The following SETD5 variants were observed in gnomAD, a reference collection of about 807,000 sequenced individuals.
SETD5 encodes the protein SET domain containing 5, also known as histone-lysine N-methyltransferase SETD5.
A neutral mutation model predicts 153.3 loss-of-function variants in SETD5; 44 were observed. That is an observed-to-expected ratio of 0.29 (90% CI 0.23 to 0.37). The LOEUF (loss-of-function observed/expected upper bound fraction) is 0.37. Among genes scored for constraint, SETD5 ranks in the 10% least tolerant of loss-of-function variants. The probability of loss-of-function intolerance (pLI) is 1.00; values close to 1 mark genes in which losing one functional copy is unlikely to be tolerated. For synonymous variants in SETD5, 716 were observed against 645.2 expected (o/e 1.11, Z -1.66); for missense variants, 1,544 against 1,768.0 (o/e 0.87, Z 2.27).
At chr3:9,425,249 A>C (rs2039007414) in intron 2 of SETD5, among the ~76,000 whole-genome samples, 1 of 151,622 alleles carries the variant, frequency 6.6e-6, no homozygotes, top group Admixed American at 6.6e-5. Flanking sequence ...TTTTTAGTAG[A>C]GACAGGGTTT....
At chr3:9,433,762 G>T in intron 3 of SETD5, 83 bp from the exon 4 acceptor site, 1 of 1,361,136 alleles carries the variant, frequency 7.3e-7, no homozygotes, top group East Asian at 2.3e-5. Flanking sequence ...GGAAAGAGGA[G>T]GGGTTAGAAT....
Position 9,470,648 on chromosome 3 carries a change from A to G in SETD5, c.2914A>G (p.Asn972Asp). Residue 972 changes from asparagine to aspartate, a missense_variant, in exon 19 of 23, where the codon AAC becomes GAC. Physicochemically the swap from Asn to Asp is conservative, Grantham distance 23 (BLOSUM62 1). Coordinates refer to ENST00000402198, the MANE Select transcript of SETD5 (RefSeq NM_001080517.3). Reference sequence around the variant, plus strand: ...AGATGGACATCAGACCCTCGTGAGAAACTCAGACCAGGCATTTCGGACAGA... The same window carrying G: ...AGATGGACATCAGACCCTCGTGAGAGACTCAGACCAGGCATTTCGGACAGA... ...SGDGHQTLVR[N>D]SDQAFRTEFN... 1 of 1,613,972 alleles carries G rather than the reference A, an allele frequency of 6.2e-7. No homozygotes were observed. The highest frequency in any genetic ancestry group is 8.5e-7 in the Non-Finnish European group (1 of 1,179,884).
intron 3 of SETD5, chr3:9,431,333 G>A (rs2039941509): frequency 1.0e-6 from 1 of 985,276 alleles, no homozygotes; most frequent in Admixed American, 6.1e-5. Context: ...TCTGTTGTGA[G>A]CCTGGTTTCT....
chr3:9,441,462 T>C lies in SETD5; in HGVS notation c.811-131T>C. On this transcript the variant is annotated intron_variant, in intron 8 of 22. Coordinates refer to ENST00000402198, the MANE Select transcript of SETD5 (RefSeq NM_001080517.3). Reference sequence around the variant, plus strand: ...TTTCATCACATTTTAAAATTTCTCATCATTGATCTAAATAACATGTACAGA... The same window carrying C: ...TTTCATCACATTTTAAAATTTCTCACCATTGATCTAAATAACATGTACAGA... 3 of 790,952 alleles carry C rather than the reference T, an allele frequency of 3.8e-6. No homozygotes were observed. The Admixed American group carries it at 8.7e-5, about 23-fold the overall frequency. The allele number at this position is 790,952 out of a possible 1,614,324, so 49.0% of individuals were successfully genotyped here.
At chr3:9,430,236 C>T (rs780007163) in intron 3 of SETD5, 5 of 984,906 alleles carry the variant, frequency 5.1e-6, no homozygotes, top group Non-Finnish European at 6.0e-6. Context: ...TTCATAAAGC[C>T]ACCTAATATA....
chr3:9,430,397 G>A (rs2039819770), intron 3 of SETD5: 2 of 948,900 alleles, frequency 2.1e-6, no homozygotes, highest in East Asian at 1.2e-4. Context: ...GTGGGGAAGG[G>A]TTGATTTTGT....
At chr3:9,425,055 CTTTTTTTTTTTTTT>C (rs778883904) in intron 2 of SETD5, among the ~76,000 whole-genome samples, 1 of 83,682 alleles carries the variant, frequency 1.2e-5, no homozygotes, top group African/African-American at 4.9e-5. Context: ...GACAATGTTT[CTTTTTTTTTTTTTT>C]TTTTTTTTTG....
rs546233346 is a variant in SETD5, at chr3:9,476,550, A to G, written c.*459A>G. 6.4e-6 allele frequency: 1 copy of G among 156,348 alleles called. No homozygotes were observed. The highest frequency in any genetic ancestry group is 2.4e-5 in the African/African-American group (1 of 41,592). 9.7% of individuals were successfully genotyped at this position (156,348 alleles called of 1,614,324 possible). ...GCCATCTGAGTACTGTTAGGGTTTT[A>G]TGCACTTAAGAAAAAAGGTAGGTAT... On this transcript the variant is annotated 3_prime_UTR_variant, in exon 23 of 23. Coordinates refer to ENST00000402198, the MANE Select transcript of SETD5 (RefSeq NM_001080517.3).
chr3:9,428,619 A>T, intron 2 of SETD5, among the ~76,000 whole-genome samples: 1 of 152,224 alleles, frequency 6.6e-6, no homozygotes, highest in East Asian at 1.9e-4. Context: ...AAAAGTAAAC[A>T]TAACTTTTTG....
rs572779898 is a variant in SETD5, at chr3:9,473,570, TG to T, written c.3497+38del. ...TATATTTGATGTTTTATAGTTAAATTGGGGGTGGGGGGGAGTATATATCTAA... is the reference window on the plus strand; with the variant it reads ...TATATTTGATGTTTTATAGTTAAATTGGGGTGGGGGGGAGTATATATCTAA... On this transcript the variant is annotated intron_variant, in intron 20 of 22. Coordinates refer to ENST00000402198, the MANE Select transcript of SETD5 (RefSeq NM_001080517.3). 3.9e-6 allele frequency: 6 copies of T among 1,531,778 alleles called. No individual in the cohort carries two copies. The South Asian group carries it at 5.9e-5, about 15-fold the overall frequency. 94.9% of individuals were successfully genotyped at this position (1,531,778 alleles called of 1,614,324 possible). A position where few individuals can be genotyped will look rare whatever the true frequency, so the allele number is the denominator to read the frequency against.
chr3:9,415,114 T>C (rs1434393142), intron 1 of SETD5, among the ~76,000 whole-genome samples: 4 of 152,186 alleles, frequency 2.6e-5, no homozygotes, highest in African/African-American at 9.7e-5. Flanking sequence ...AGTTTAAATA[T>C]GGTATATGGT....
intron 1 of SETD5, among the ~76,000 whole-genome samples, chr3:9,400,235 TGATTTTTGTTTTTTGGCA>T (rs1171838378): frequency 1.3e-5 from 2 of 152,244 alleles, no homozygotes; most frequent in African/African-American, 2.4e-5. Flanking sequence ...TTGTTTGATT[TGATTTTTGTTTTTTGGCA>T]GATTTTTGTT....
intron 7 of SETD5, among the ~76,000 whole-genome samples, chr3:9,438,831 A>G (rs2040914695): frequency 6.6e-6 from 1 of 152,342 alleles, no homozygotes; most frequent in African/African-American, 2.4e-5. Context: ...TACCCACTAG[A>G]TGCCGGTAAC....
intron 11 of SETD5, among the ~76,000 whole-genome samples, chr3:9,444,357 A>AT (rs1477987150): frequency 1.3e-5 from 2 of 152,034 alleles, no homozygotes; most frequent in African/African-American, 4.8e-5. Context: ...ATCAAGGAAA[A>AT]TAAAAAAGGT....
chr3:9,474,073 A>G (rs1027467815), intron 20 of SETD5, among the ~76,000 whole-genome samples: 1 of 152,246 alleles, frequency 6.6e-6, no homozygotes, highest in African/African-American at 2.4e-5. Flanking sequence ...TGAAAAAAAT[A>G]AGTCTGGGAA....
rs1414556242 is a variant in SETD5, at chr3:9,445,430, A to G, written c.1440+130A>G. 2.8e-6 allele frequency: 3 copies of G among 1,060,016 alleles called. No homozygotes were observed. In the South Asian group the frequency reaches 4.7e-5, roughly 16 times the overall value. 65.7% of individuals were successfully genotyped at this position (1,060,016 alleles called of 1,614,324 possible). On this transcript the variant is annotated intron_variant, in intron 12 of 22. Coordinates refer to ENST00000402198, the MANE Select transcript of SETD5 (RefSeq NM_001080517.3). ...GTGCCCTTTATATCAATGTGGGTTT[A>G]TTGTGTTCATACATTTCTTTCTGTT...
intron 1 of SETD5, among the ~76,000 whole-genome samples, chr3:9,406,265 A>G (rs1379550941): frequency 1.3e-5 from 2 of 152,226 alleles, no homozygotes; most frequent in African/African-American, 4.8e-5. Context: ...AGTTTAACCT[A>G]AAACAGAACA....
intron 16 of SETD5, among the ~76,000 whole-genome samples, chr3:9,450,962 T>C (rs921742012): frequency 6.6e-6 from 1 of 152,122 alleles, no homozygotes; most frequent in African/African-American, 2.4e-5. Context: ...ATCCCTAGAG[T>C]TTCTAAATTG....
intron 20 of SETD5, among the ~76,000 whole-genome samples, chr3:9,474,072 T>A (rs140649123): frequency 1.3e-5 from 2 of 152,048 alleles, no homozygotes; most frequent in Non-Finnish European, 2.9e-5. Context: ...CTGAAAAAAA[T>A]AAGTCTGGGA....
Sources: allele counts gnomAD v4.1 joint callset (sites outside exome capture counted in the v4.1 genomes callset), GRCh38; gene constraint gnomAD v4.1.1; transcripts MANE v1.5; gene names NCBI Gene and HGNC (gene_info 2026-07-23, HGNC 2026-07-21).